DCLRE1C: variants seen among roughly 807,000 people sequenced by gnomAD.
DCLRE1C encodes DNA cross-link repair 1C.
In DCLRE1C, 47 loss-of-function variants were observed where a neutral mutation model predicts 61.4. The observed-to-expected ratio is 0.77, with a 90% CI of 0.61 to 0.98. The LOEUF (loss-of-function observed/expected upper bound fraction) is 0.98, where lower values mean the gene tolerates loss of function less well. Ranked by LOEUF, DCLRE1C falls within the 50% of genes least tolerant of loss-of-function variation. The pLI, the probability that DCLRE1C is intolerant of heterozygous loss-of-function variation, is 0.00. For missense variants in DCLRE1C, 858 were observed against 816.0 expected (o/e 1.05, Z -0.63); for synonymous variants, 337 against 287.6 (o/e 1.17, Z -1.74).
chr10:14,908,606 C>G lies in DCLRE1C; in HGVS notation c.1881G>C (p.Glu627Asp). ...STGEPTTLSS[E>D]THIPEEKSLL... is the part of the protein sequence containing the mutation. The stretch of plus-strand genomic sequence containing the variant: ...AACTTTTTTCCTCGGGTATATGTGT[C>G]TCACTGCTTAGAGTAGTTGGTTCTC... Residue 627 changes from glutamate to aspartate, a missense_variant, in exon 14 of 14, where the codon GAG becomes GAC. Transcript: ENST00000378278. 1 of 1,614,150 alleles carries G rather than the reference C, an allele frequency of 6.2e-7. No homozygotes were observed. Among genetic ancestry groups the G allele is most frequent in the Non-Finnish European group, 8.5e-7 (1 of 1,180,018 alleles).
chr10:14,936,637 C>T (rs1839972741), intron 4 of DCLRE1C, 44 bp from the exon 5 acceptor site: 3 of 1,400,504 alleles, frequency 2.1e-6, no homozygotes, highest in Admixed American at 1.7e-5. Flanking sequence ...AAGCAGTTAT[C>T]ATTAGGACCT....
intron 9 of DCLRE1C, among the ~76,000 whole-genome samples, chr10:14,928,457 A>G (rs1303616921): frequency 6.6e-6 from 1 of 152,184 alleles, no homozygotes; most frequent in African/African-American, 2.4e-5. Context: ...ACGACCCTCA[A>G]ATAAATCCTG....
chr10:14,917,631 T>C (rs770306365), intron 13 of DCLRE1C, among the ~76,000 whole-genome samples: 1 of 152,040 alleles, frequency 6.6e-6, no homozygotes, highest in Non-Finnish European at 1.5e-5. Flanking sequence ...CGAGACCAGC[T>C]TGGGCAACAT....
intron 4 of DCLRE1C, among the ~76,000 whole-genome samples, chr10:14,936,972 G>A (rs1840036837): frequency 6.6e-6 from 1 of 152,134 alleles, no homozygotes; most frequent in Admixed American, 6.5e-5. Context: ...ATATTATTTG[G>A]CCATAAAAAG....
At chr10:14,910,618 T>G (rs539554382) in intron 13 of DCLRE1C, among the ~76,000 whole-genome samples, 2 of 152,212 alleles carry the variant, frequency 1.3e-5, no homozygotes, top group Non-Finnish European at 2.9e-5. Flanking sequence ...TATGAAATAT[T>G]TTTGTATGAT....
intron 13 of DCLRE1C, among the ~76,000 whole-genome samples, chr10:14,913,168 T>G (rs988260923): frequency 6.6e-6 from 1 of 152,288 alleles, no homozygotes; most frequent in Non-Finnish European, 1.5e-5. Flanking sequence ...ATGAGTTCTC[T>G]TATATGAAGT....
At chr10:14,919,616 G>T in intron 13 of DCLRE1C, 122 bp downstream of exon 13, 2 of 783,684 alleles carry the variant, frequency 2.6e-6, no homozygotes, top group Admixed American at 1.8e-5. Flanking sequence ...CATGTGTCAA[G>T]TCTGACCTGT....
chr10:14,910,978 G>A (rs1314799896), intron 13 of DCLRE1C, among the ~76,000 whole-genome samples: 2 of 152,174 alleles, frequency 1.3e-5, no homozygotes, highest in Admixed American at 6.5e-5. Context: ...TCCTTGATGT[G>A]AGGTGGAAGT....
chr10:14,936,581 C>A lies in DCLRE1C; in HGVS notation c.319G>T (p.Val107Phe). 1.2e-6 allele frequency: 2 copies of A among 1,612,506 alleles called. No homozygotes were observed. The highest frequency in any genetic ancestry group is 8.5e-7 in the Non-Finnish European group (1 of 1,178,714). The change falls in exon 5 of 14, where the codon GTT becomes TTT. Residue 107 changes from valine (V) to phenylalanine (F), a missense_variant. This residue lies in a region of DCLRE1C where 843 missense variants were observed against 783.5 expected (regional missense o/e 1.08). Transcript: ENST00000378278. Reference protein sequence around the residue: ...DEASGEKEEIVVTLLPAGHCP... With the variant: ...DEASGEKEEIFVTLLPAGHCP... The stretch of plus-strand genomic sequence containing the variant: ...TGACCAGCTGGTAAGAGAGTCACAA[C>A]AATCTCTTCCTTCTAAAAAGAAAAT...
chr10:14,910,576 G>A (rs897101366), intron 13 of DCLRE1C, among the ~76,000 whole-genome samples: 1 of 152,150 alleles, frequency 6.6e-6, no homozygotes, highest in African/African-American at 2.4e-5. Context: ...TTAGAGGCAT[G>A]AGCCACTTTG....
chr10:14,941,451 G>A (rs571630408), intron 3 of DCLRE1C, among the ~76,000 whole-genome samples: 188 of 152,210 alleles, frequency 1.2e-3, no homozygotes, highest in Non-Finnish European at 2.0e-3. Flanking sequence ...TACCAGGCTA[G>A]TTTTTAAGGT....
intron 1 of DCLRE1C, among the ~76,000 whole-genome samples, chr10:14,951,869 G>T (rs1165422300): frequency 6.6e-6 from 1 of 152,156 alleles, no homozygotes; most frequent in Non-Finnish European, 1.5e-5. Flanking sequence ...TTCAACATAT[G>T]AATTTTGTGG....
Position 14,933,429 on chromosome 10 carries a change from G to A in DCLRE1C, c.679-474C>T, listed in dbSNP as rs147092495. On this transcript the variant is annotated intron_variant, in intron 8 of 13. Coordinates refer to ENST00000378278, the MANE Select transcript of DCLRE1C (RefSeq NM_001033855.3). The stretch of plus-strand genomic sequence containing the variant: ...AGGCCGGTGGATCACTTGAGGTCAG[G>A]AGATCGAGACCAGCCTGGCCAACAT... Among the ~76,000 whole-genome samples, 38 of 152,248 alleles carry A rather than the reference G, an allele frequency of 2.5e-4. 1 individual carries two copies. The South Asian group carries it at 6.4e-3, about 26-fold the overall frequency.
chr10:14,935,419 A>G, intron 6 of DCLRE1C, 44 bp downstream of exon 6: 1 of 1,589,306 alleles, frequency 6.3e-7, no homozygotes, highest in Non-Finnish European at 8.6e-7. Context: ...TCCATTTCAC[A>G]AAAATAAAAT....
chr10:14,906,599 TG>T lies in DCLRE1C; in HGVS notation c.*1808del, dbSNP rs1158242710. The stretch of plus-strand genomic sequence containing the variant: ...TTATGTGTATACTAACTCTGAGTCT[TG>T]TTACCCTGGTTAGTCTGGTGGATCC... On this transcript the variant is annotated 3_prime_UTR_variant, in exon 14 of 14. Coordinates refer to ENST00000378278, the MANE Select transcript of DCLRE1C (RefSeq NM_001033855.3). Among the ~76,000 whole-genome samples, 1 of 152,234 alleles carries T rather than the reference TG, an allele frequency of 6.6e-6. No individual in the cohort carries two copies. The highest frequency in any genetic ancestry group is 2.4e-5 in the African/African-American group (1 of 41,472).
At chr10:14,941,645 G>A (rs1194716287) in intron 3 of DCLRE1C, among the ~76,000 whole-genome samples, 1 of 152,066 alleles carries the variant, frequency 6.6e-6, no homozygotes, top group Non-Finnish European at 1.5e-5. Flanking sequence ...TTAACCAAAG[G>A]GTCAGTTATT....
chr10:14,934,762 G>A lies in DCLRE1C; in HGVS notation c.478C>T (p.Gln160Ter). 1 of 1,613,122 alleles carries A rather than the reference G, an allele frequency of 6.2e-7. No individual in the cohort carries two copies. The highest frequency in any genetic ancestry group is 1.3e-5 in the African/African-American group (1 of 74,992). Residue 160 changes from glutamine to a stop codon, truncating the protein, a stop_gained, in exon 7 of 14, where the codon CAA (glutamine) becomes TAA (stop). Coordinates refer to ENST00000378278, the MANE Select transcript of DCLRE1C (RefSeq NM_001033855.3). LOFTEE classifies it high-confidence loss of function. The stretch of plus-strand genomic sequence containing the variant: ...AACGTAGTATCCAAATATACACTTT[G>A]GATGTCTTTGACTCTGAAAAGAAAA... ...LHSGGRVKDI[Q>*]SVYLDTTFCD...
At chr10:14,920,405 T>G in intron 12 of DCLRE1C, 1 of 1,012,880 alleles carries the variant, frequency 9.9e-7, no homozygotes, top group Non-Finnish European at 1.2e-6. Flanking sequence ...CACTGCCAAC[T>G]GCCTCCTCCT....
intron 13 of DCLRE1C, 90 bp downstream of exon 13, chr10:14,919,648 G>T: frequency 2.0e-6 from 2 of 995,312 alleles, no homozygotes; most frequent in Non-Finnish European, 3.2e-6. Flanking sequence ...GGTCCACTCT[G>T]CCCAAGGCCA....
Sources: gnomAD v4.1 joint callset for allele counts (sites outside exome capture counted in the v4.1 genomes callset) on GRCh38, gnomAD v4.1.1 for gene constraint, gnomAD v4.1.1 regional missense constraint, MANE v1.5 for transcripts, NCBI Gene and HGNC (gene_info 2026-07-23, HGNC 2026-07-21) for gene names.